Variants in ICE1 observed in about 807,000 individuals in gnomAD.
ICE1 encodes little elongation complex subunit 1.
In ICE1, 64 loss-of-function variants were observed where a neutral mutation model predicts 192.7. That is an observed-to-expected ratio of 0.33 (90% CI 0.27 to 0.41). The LOEUF is 0.41. Ranked by LOEUF, ICE1 falls within the 10% of genes least tolerant of loss-of-function variation. The pLI is 1.00. For synonymous variants in ICE1, 1,010 were observed against 984.5 expected (o/e 1.03, Z -0.49); for missense variants, 2,708 against 2,696.0 (o/e 1.00, Z -0.10).
rs370236024 is a variant in ICE1 at position 5,464,881 on chromosome 5, C to A, written c.5547C>A (p.Arg1849=). 1.9e-6 allele frequency: 3 copies of A among 1,613,136 alleles called. No individual in the cohort carries two copies. The highest frequency in any genetic ancestry group is 1.3e-5 in the African/African-American group (1 of 74,878). The change falls in exon 13 of 19, where the codon CGC becomes CGA. Residue 1849 remains arginine, a synonymous_variant. Transcript: ENST00000296564. The surrounding 1 kb of genome is among the most constrained non-coding windows in gnomAD (Gnocchi z 4.0). ...TSTLRSAKRL[R]LDTGSPEPET... ...CACTGAGAAGTGCTAAAAGACTGCG[C>A]CTGGACACTGGGTCCCCAGAACCAG...
At chr5:5,443,415 G>A (rs1016273670) in intron 6 of ICE1, among the ~76,000 whole-genome samples, 171 bp downstream of exon 6, 2 of 152,074 alleles carry the variant, frequency 1.3e-5, no homozygotes, top group African/African-American at 4.8e-5. Context: ...CTGTAAACTG[G>A]AAGTTATATC....
chr5:5,472,575 C>G (rs189638729), intron 15 of ICE1, among the ~76,000 whole-genome samples: 132 of 152,248 alleles, frequency 8.7e-4, no homozygotes, highest in Non-Finnish European at 1.6e-3. Context: ...ACCATTCTGG[C>G]TGAGTTTTGG....
Position 5,463,444 on chromosome 5 carries a change from A to G in ICE1, c.4110A>G (p.Ser1370=). The G allele has an allele frequency of 1.9e-6, 3 of 1,613,068 alleles. No individual in the cohort carries two copies. The highest frequency in any genetic ancestry group is 2.5e-6 in the Non-Finnish European group (3 of 1,179,486). Residue 1370 remains serine, a synonymous_variant, in exon 13 of 19, where the codon TCA becomes TCG. Transcript: ENST00000296564. Reference sequence around the variant, plus strand: ...ACCTGCCAGAACCTGTGGAGCCATCAGCCTTGTGCTCTGACTCTGTGATGG... The same window carrying G: ...ACCTGCCAGAACCTGTGGAGCCATCGGCCTTGTGCTCTGACTCTGTGATGG... The part of the protein sequence containing the change: ...EEDLPEPVEP[S]ALCSDSVMEP...
rs771818332 is a variant in ICE1 at position 5,460,946 on chromosome 5, A to G, written c.1612A>G (p.Arg538Gly). ...SELCSSPLGK[R>G]PLNELMESEG... is the part of the protein sequence containing the mutation. ...GTTGTGTTCTTCTCCCCTTGGCAAA[A>G]GGCCATTAAATGAACTCATGGAATC... Residue 538 changes from arginine (R) to glycine (G), a missense_variant, in exon 13 of 19, where the codon AGG becomes GGG. By Grantham distance (125) the Arg-to-Gly change is moderately radical. Transcript: ENST00000296564. The G allele has an allele frequency of 6.2e-7, 1 of 1,614,034 alleles. No homozygotes were observed. The highest frequency in any genetic ancestry group is 2.2e-5 in the East Asian group (1 of 44,878).
chr5:5,484,451 A>C (rs1160629645), intron 17 of ICE1, among the ~76,000 whole-genome samples: 1 of 152,202 alleles, frequency 6.6e-6, no homozygotes, highest in Admixed American at 6.5e-5. Context: ...GTTCCAGAGG[A>C]CAGATCCAGT....
At chr5:5,472,846 G>A (rs188688754) in intron 15 of ICE1, among the ~76,000 whole-genome samples, 4 of 152,146 alleles carry the variant, frequency 2.6e-5, no homozygotes, top group Non-Finnish European at 5.9e-5. Flanking sequence ...AAATTGTTGG[G>A]CACCATCTTA....
rs769790339 is a variant in ICE1 at position 5,462,051 on chromosome 5, G to A, written c.2717G>A (p.Gly906Glu). The A allele has an allele frequency of 1.2e-6, 2 of 1,613,834 alleles. No homozygotes were observed. Among genetic ancestry groups the A allele is most frequent in the Non-Finnish European group, 1.7e-6 (2 of 1,179,888 alleles). The part of the protein sequence containing the change: ...TGMSTVAKCD[G>E]ERDDTTQNIT... ...ATGTCAACTGTAGCAAAATGTGATG[G>A]GGAAAGAGATGATACAACACAAAAC... is the stretch of plus-strand genomic sequence containing the variant. The change falls in exon 13 of 19, where the codon GGG becomes GAG. Residue 906 changes from glycine (G) to glutamate (E), a missense_variant. Physicochemically the swap from Gly to Glu is moderately conservative, Grantham distance 98. Around this residue, in one of 2 missense-constraint regions of ICE1, gnomAD observed 2,366 missense variants for 2,276.6 expected, o/e 1.04. Coordinates refer to ENST00000296564, the MANE Select transcript of ICE1 (RefSeq NM_015325.3).
At chr5:5,480,950 A>T (rs1739486200) in intron 17 of ICE1, among the ~76,000 whole-genome samples, 1 of 152,216 alleles carries the variant, frequency 6.6e-6, no homozygotes, top group African/African-American at 2.4e-5. Flanking sequence ...GTACAGGTTC[A>T]AAACTGTTTT....
chr5:5,432,331 A>G (rs1372076167), intron 1 of ICE1, among the ~76,000 whole-genome samples: 3 of 152,224 alleles, frequency 2.0e-5, no homozygotes, highest in Non-Finnish European at 2.9e-5. Flanking sequence ...TAATGTTTCA[A>G]GGTTGGTCCA....
intron 16 of ICE1, among the ~76,000 whole-genome samples, chr5:5,474,027 GA>G: frequency 6.6e-6 from 1 of 152,024 alleles, no homozygotes; most frequent in Non-Finnish European, 1.5e-5. Context: ...TGGCTAACAT[GA>G]TGAAACCCCG....
intron 17 of ICE1, among the ~76,000 whole-genome samples, chr5:5,476,286 T>C (rs1317165889): frequency 1.3e-5 from 2 of 152,246 alleles, no homozygotes; most frequent in East Asian, 3.8e-4. Context: ...ATTAAGATTT[T>C]TCATATTAGT....
intron 1 of ICE1, among the ~76,000 whole-genome samples, chr5:5,431,957 G>C (rs527792180): frequency 6.6e-6 from 1 of 150,908 alleles, no homozygotes; most frequent in African/African-American, 2.4e-5. Context: ...CTTCTTTCTC[G>C]TGTCTGGGTT....
At chr5:5,483,679 T>G (rs918571280) in intron 17 of ICE1, among the ~76,000 whole-genome samples, 12 of 152,056 alleles carry the variant, frequency 7.9e-5, no homozygotes, top group Non-Finnish European at 1.8e-4. Context: ...TTCAGTGGAG[T>G]GTAAATCTGT....
chr5:5,429,469 T>C (rs1214968757), intron 1 of ICE1, among the ~76,000 whole-genome samples: 2 of 152,186 alleles, frequency 1.3e-5, no homozygotes, highest in Non-Finnish European at 2.9e-5. Flanking sequence ...TGGGGAGTGC[T>C]ACAGCCAGCT....
chr5:5,423,802 A>T (rs937515253), intron 1 of ICE1, among the ~76,000 whole-genome samples: 1 of 152,142 alleles, frequency 6.6e-6, no homozygotes, highest in African/African-American at 2.4e-5. Flanking sequence ...CCAGCACCTC[A>T]TTACCTACTC....
chr5:5,447,310 C>G (rs1161491921), intron 7 of ICE1, 117 bp from the exon 8 acceptor site: 1 of 691,860 alleles, frequency 1.4e-6, no homozygotes, highest in East Asian at 2.9e-5. Context: ...AAATTTATTT[C>G]AAACTTTTAA....
intron 1 of ICE1, among the ~76,000 whole-genome samples, chr5:5,425,963 A>G (rs150052490): frequency 3.3e-5 from 5 of 152,228 alleles, no homozygotes; most frequent in Non-Finnish European, 7.3e-5. Context: ...TCAAATGACC[A>G]TGAGAACTGT....
chr5:5,452,468 GAAA>G (rs1738453602), intron 10 of ICE1, among the ~76,000 whole-genome samples: 3 of 152,026 alleles, frequency 2.0e-5, no homozygotes, highest in Non-Finnish European at 4.4e-5. Flanking sequence ...GAAAAGACCT[GAAA>G]GCAGTATACA....
Position 5,461,812 on chromosome 5 carries a change from A to G in ICE1, c.2478A>G (p.Leu826=), listed in dbSNP as rs760557706. 2.5e-6 allele frequency: 4 copies of G among 1,614,014 alleles called. No individual in the cohort carries two copies. Among genetic ancestry groups the G allele is most frequent in the South Asian group, 1.1e-5 (1 of 91,082 alleles). ...AGTTACAAAAGGCAATGCCATTCCTACAAAATAGAGGACCAACACCCAAGC... is the reference window on the plus strand; with the variant it reads ...AGTTACAAAAGGCAATGCCATTCCTGCAAAATAGAGGACCAACACCCAAGC... ...SHQLQKAMPF[L]QNRGPTPKPD... Residue 826 remains leucine (L), a synonymous_variant, in exon 13 of 19, where the codon CTA becomes CTG. Transcript: ENST00000296564.
Sources: allele counts gnomAD v4.1 joint callset (sites outside exome capture counted in the v4.1 genomes callset), GRCh38; gene constraint gnomAD v4.1.1; regional missense constraint gnomAD v4.1.1; non-coding constraint Gnocchi (gnomAD v3.1); transcripts MANE v1.5; gene names NCBI Gene and HGNC (gene_info 2026-07-23, HGNC 2026-07-21).